Variants in ABCC1 observed in about 807,000 individuals in gnomAD.
The protein encoded by ABCC1 is multidrug resistance-associated protein 1.
Under a neutral mutation model 172.9 loss-of-function variants are expected in ABCC1, and 83 were observed. The ratio of observed to expected loss-of-function variants is 0.48; its 90% CI spans 0.40 to 0.58. The LOEUF (loss-of-function observed/expected upper bound fraction) is 0.58, where lower values mean the gene tolerates loss of function less well. Ranked by LOEUF, ABCC1 falls within the 20% of genes least tolerant of loss-of-function variation. The pLI, the probability that ABCC1 is intolerant of heterozygous loss-of-function variation, is 0.00. For missense variants in ABCC1, 1,817 were observed against 2,002.7 expected (o/e 0.91, Z 1.77); for synonymous variants, 937 against 825.2 (o/e 1.14, Z -2.32).
intron 2 of ABCC1, among the ~76,000 whole-genome samples, chr16:16,008,757 C>A (rs1211270036): frequency 2.0e-5 from 3 of 150,122 alleles, no homozygotes; most frequent in Admixed American, 1.3e-4. Flanking sequence ...GTGGGAGGAT[C>A]CCTTGAACCC....
At chr16:16,087,903 A>C (rs1391928061) in intron 18 of ABCC1, among the ~76,000 whole-genome samples, 1 of 152,206 alleles carries the variant, frequency 6.6e-6, no homozygotes, top group Non-Finnish European at 1.5e-5. Context: ...TCTGTGTATA[A>C]ACTTTTTAAA....
intron 18 of ABCC1, among the ~76,000 whole-genome samples, chr16:16,088,361 C>G (rs2152011682): frequency 6.6e-6 from 1 of 152,328 alleles, no homozygotes; most frequent in Non-Finnish European, 1.5e-5. Flanking sequence ...CGGAGAATGT[C>G]TTGAACCCGG....
At chr16:16,080,547 C>A (rs768402592) in intron 16 of ABCC1, among the ~76,000 whole-genome samples, 3 of 152,172 alleles carry the variant, frequency 2.0e-5, no homozygotes, top group African/African-American at 7.2e-5. Flanking sequence ...TGTAACGACA[C>A]GTCCCTGGAA....
rs1491397616 is a variant in ABCC1 at position 16,026,464 on chromosome 16, C to CTTTTTTTT, written c.616-6645_616-6644insTTTTTTTT. 1.3e-3 allele frequency among the ~76,000 whole-genome samples: 134 copies of CTTTTTTTT among 102,274 alleles called. 6 individuals carry two copies. Among genetic ancestry groups the CTTTTTTTT allele is most frequent in the Admixed American group, 1.8e-3 (13 of 7,114 alleles). 67.1% of individuals were successfully genotyped at this position (102,274 alleles called of 152,430 possible). ...AAAAAAAAAAAAAAAAAGGCTATTT[C>CTTTTTTTT]CTTTTTTTTTTTTTTTTTTTTTTTG... On this transcript the variant is annotated intron_variant, in intron 5 of 30. Transcript: ENST00000399410.
intron 2 of ABCC1, among the ~76,000 whole-genome samples, chr16:16,008,829 C>T (rs1295903844): frequency 2.4e-5 from 3 of 123,424 alleles, no homozygotes; most frequent in Non-Finnish European, 4.7e-5. Flanking sequence ...TGCAACAGAG[C>T]GAGACTCCTT....
Position 16,083,395 on chromosome 16 carries a change from C to A in ABCC1, c.2145C>A (p.Ala715=). The part of the protein sequence containing the change: ...KGSVAYVPQQ[A]WIQNDSLREN... Reference sequence around the variant, plus strand: ...CCGTGGCCTATGTGCCACAGCAGGCCTGGATTCAGAATGATTCTCTCCGAG... The same window carrying A: ...CCGTGGCCTATGTGCCACAGCAGGCATGGATTCAGAATGATTCTCTCCGAG... Residue 715 remains alanine, a synonymous_variant, in exon 17 of 31, where the codon GCC becomes GCA. Transcript: ENST00000399410. 6.2e-7 allele frequency: 1 copy of A among 1,613,824 alleles called. No homozygotes were observed. The highest frequency in any genetic ancestry group is 8.5e-7 in the Non-Finnish European group (1 of 1,180,032).
At chr16:16,073,040 CAAAA>C (rs5815853) in intron 14 of ABCC1, among the ~76,000 whole-genome samples, 1 of 115,858 alleles carries the variant, frequency 8.6e-6, no homozygotes. Context: ...GACTTCATCT[CAAAA>C]AAAAAAAAAA....
chr16:15,996,988 A>G (rs1343205295), intron 1 of ABCC1, among the ~76,000 whole-genome samples: 2 of 152,134 alleles, frequency 1.3e-5, no homozygotes, highest in African/African-American at 4.8e-5. Flanking sequence ...TTTGAGTGTC[A>G]GGGCTGAGGG....
At chr16:16,124,328 T>TGC (rs2045312030) in intron 24 of ABCC1, among the ~76,000 whole-genome samples, 1 of 90,800 alleles carries the variant, frequency 1.1e-5, no homozygotes, top group African/African-American at 3.8e-5. Context: ...TGTGTGTGTG[T>TGC]GTGTGTGTGT....
rs749240529 is a variant in ABCC1, at chr16:16,115,120, A to G, written c.3390+44A>G. The G allele has an allele frequency of 5.1e-6, 8 of 1,575,542 alleles. No individual in the cohort carries two copies. The African/African-American group carries it at 5.4e-5, about 11-fold the overall frequency. On this transcript the variant is annotated intron_variant, in intron 23 of 30. Coordinates refer to ENST00000399410, the MANE Select transcript of ABCC1 (RefSeq NM_004996.4). ...GTGTTCGGGACAAGCCCTACTGTGCATTATATACCAGTGTTACCTAAAGCC... is the reference window on the plus strand; with the variant it reads ...GTGTTCGGGACAAGCCCTACTGTGCGTTATATACCAGTGTTACCTAAAGCC...
At chr16:16,126,228 A>G (rs1157938635) in intron 26 of ABCC1, among the ~76,000 whole-genome samples, 1 of 152,188 alleles carries the variant, frequency 6.6e-6, no homozygotes, top group Non-Finnish European at 1.5e-5. Context: ...TGATGGTATC[A>G]CAGAGAAAGT....
intron 1 of ABCC1, among the ~76,000 whole-genome samples, chr16:15,982,823 A>AAAAAAAAAAAAAAAAAAAAAAAAC: frequency 6.7e-6 from 1 of 149,422 alleles, no homozygotes. Context: ...AAAAAAAAAA[A>AAAAAAAAAAAAAAAAAAAAAAAAC]AGGAAATCCA....
chr16:15,949,855 G>T, intron 1 of ABCC1, 56 bp downstream of exon 1: 1 of 1,177,242 alleles, frequency 8.5e-7, no homozygotes, highest in South Asian at 4.2e-5. Context: ...GGCGGGGAGG[G>T]AAAGCACCGG....
chr16:16,136,116 CG>C (rs1567445308), intron 28 of ABCC1, among the ~76,000 whole-genome samples: 1 of 151,652 alleles, frequency 6.6e-6, no homozygotes, highest in African/African-American at 2.4e-5. Flanking sequence ...TTCCGTCTCC[CG>C]GGTTCAAGTG....
chr16:16,103,060 T>C (rs2051844480), intron 20 of ABCC1, among the ~76,000 whole-genome samples: 1 of 152,170 alleles, frequency 6.6e-6, no homozygotes, highest in African/African-American at 2.4e-5. Context: ...GATTTAAAAC[T>C]GTCTCAAGGC....
chr16:16,057,190 A>G (rs907607617), intron 12 of ABCC1, among the ~76,000 whole-genome samples: 6 of 142,774 alleles, frequency 4.2e-5, no homozygotes, highest in African/African-American at 1.3e-4. Flanking sequence ...TAAAAAAAAA[A>G]AAAAAAAAGA....
At chr16:16,109,169 A>T (rs546638684) in intron 21 of ABCC1, among the ~76,000 whole-genome samples, 12 of 151,990 alleles carry the variant, frequency 7.9e-5, no homozygotes, top group Non-Finnish European at 1.5e-4. Flanking sequence ...GTAGGGTCAG[A>T]TGATTTTTGT....
At chr16:16,104,261 TTC>T (rs544110749) in intron 20 of ABCC1, among the ~76,000 whole-genome samples, 248 of 152,310 alleles carry the variant, frequency 1.6e-3, no homozygotes, top group African/African-American at 5.6e-3. Flanking sequence ...CCAGCTTTTA[TTC>T]TCTTATCTGG....
chr16:16,045,852 G>A lies in ABCC1; in HGVS notation c.1057G>A (p.Val353Met), dbSNP rs8187852. ...CCTTTGCAGGTTGCTCATCAAGTTC[G>A]TGAATGACACGAAGGCCCCAGACTG... ...PQILKLLIKF[V>M]NDTKAPDWQG... The change falls in exon 9 of 31, where the codon GTG becomes ATG. Residue 353 changes from valine (V) to methionine (M), a missense_variant. Transcript: ENST00000399410. 7.4e-6 allele frequency: 12 copies of A among 1,613,976 alleles called. No individual in the cohort carries two copies. The highest frequency in any genetic ancestry group is 3.3e-4 in the Middle Eastern group (2 of 6,082).
Sources: allele counts gnomAD v4.1 joint callset (sites outside exome capture counted in the v4.1 genomes callset), GRCh38; gene constraint gnomAD v4.1.1; transcripts MANE v1.5; gene names NCBI Gene and HGNC (gene_info 2026-07-23, HGNC 2026-07-21).